The following PRKAG2 variants were observed in gnomAD, a reference collection of about 807,000 sequenced individuals.
PRKAG2 encodes 5'-AMP-activated protein kinase subunit gamma-2.
In PRKAG2, 26 loss-of-function variants were observed where a neutral mutation model predicts 69.6. The ratio of observed to expected loss-of-function variants is 0.37; its 90% CI spans 0.27 to 0.52. PRKAG2 has a LOEUF of 0.52. PRKAG2 is among the 20% of genes least tolerant of loss of function. The probability of loss-of-function intolerance (pLI) is 0.90; values close to 1 mark genes in which losing one functional copy is unlikely to be tolerated. For synonymous variants in PRKAG2, 293 were observed against 285.0 expected, an observed-to-expected ratio of 1.03 and a Z score of -0.28; for missense variants, 557 against 740.0, an observed-to-expected ratio of 0.75 and a Z score of 2.87.
At chr7:151,794,366 G>A (rs1174219781) in intron 1 of PRKAG2, among the ~76,000 whole-genome samples, 4 of 152,262 alleles carry the variant, frequency 2.6e-5, no homozygotes, top group African/African-American at 9.6e-5. Flanking sequence ...CGTCTTATGT[G>A]GAGCACGCCC....
At chr7:151,751,408 C>T (rs1321546612) in intron 3 of PRKAG2, among the ~76,000 whole-genome samples, 5 of 151,992 alleles carry the variant, frequency 3.3e-5, no homozygotes, top group African/African-American at 7.2e-5. Context: ...TAAGCCACCA[C>T]GCCCGGCCCA....
chr7:151,669,228 C>T (rs947741054), intron 4 of PRKAG2, among the ~76,000 whole-genome samples: 4 of 152,162 alleles, frequency 2.6e-5, no homozygotes, highest in Admixed American at 2.6e-4. Flanking sequence ...CAGCCCCTGT[C>T]CTCTCTCTCA....
intron 3 of PRKAG2, among the ~76,000 whole-genome samples, chr7:151,718,133 G>A (rs536862185): frequency 6.6e-6 from 1 of 152,306 alleles, no homozygotes; most frequent in East Asian, 1.9e-4. Flanking sequence ...AGAGCACATA[G>A]ATGGGGTGGC....
rs542677372 is a variant in PRKAG2, at chr7:151,636,980, C to T, written c.685-4842G>A. On this transcript the variant is annotated intron_variant, in intron 4 of 15. Transcript: ENST00000287878. ...TCAGCCTCCCAAAGTGCTGGGATTA[C>T]AGGCATGAGCCACCACACCTGGCCT... Among the ~76,000 whole-genome samples, 107 of 152,332 alleles carry T rather than the reference C, an allele frequency of 7.0e-4. 1 individual carries two copies. The Middle Eastern group carries it at 0.031, about 44-fold the overall frequency.
chr7:151,568,882 G>C, intron 10 of PRKAG2, 40 bp from the exon 11 acceptor site: 11 of 1,610,804 alleles, frequency 6.8e-6, no homozygotes, highest in Non-Finnish European at 8.5e-6. Flanking sequence ...AGGCTTTCGA[G>C]AAAAATCAGA....
intron 3 of PRKAG2, among the ~76,000 whole-genome samples, chr7:151,680,417 C>T (rs774662628): frequency 3.2e-4 from 48 of 152,120 alleles, no homozygotes; most frequent in Non-Finnish European, 2.8e-4. Flanking sequence ...CAAGATGGAG[C>T]GGTAAGTGAA....
At chr7:151,562,933 C>T (rs932604478) in intron 14 of PRKAG2, among the ~76,000 whole-genome samples, 13 of 140,648 alleles carry the variant, frequency 9.2e-5, no homozygotes, top group African/African-American at 2.7e-4. Context: ...CCAGCCTCGG[C>T]GACAGAGCAA....
At chr7:151,786,375 G>T in intron 2 of PRKAG2, 95 bp downstream of exon 2, 1 of 1,233,262 alleles carries the variant, frequency 8.1e-7, no homozygotes, top group Non-Finnish European at 1.2e-6. Context: ...GGGTGGGCGT[G>T]AGGGTGAACA....
chr7:151,873,377 C>A (rs1420162038), intron 1 of PRKAG2, among the ~76,000 whole-genome samples: 1 of 152,246 alleles, frequency 6.6e-6, no homozygotes, highest in Admixed American at 6.5e-5. Context: ...GTGGTCTGCA[C>A]TGGCCATCGT....
chr7:151,717,788 T>A (rs1796401876), intron 3 of PRKAG2, among the ~76,000 whole-genome samples: 1 of 152,172 alleles, frequency 6.6e-6, no homozygotes, highest in African/African-American at 2.4e-5. Context: ...CTGAAAATAG[T>A]GGGGTTTTTC....
Position 151,807,325 on chromosome 7 carries a change from T to G in PRKAG2, c.115-20784A>C, listed in dbSNP as rs2078163612. ...AAGCAATCTACAGAACGTGGGAAAATGCCTATATTAAGAATCCTGGAATAC... is the reference window on the plus strand; with the variant it reads ...AAGCAATCTACAGAACGTGGGAAAAGGCCTATATTAAGAATCCTGGAATAC... On this transcript the variant is annotated intron_variant, in intron 1 of 15. Transcript: ENST00000287878. This position sits in a 1 kb window ranked among gnomAD's most constrained non-coding sequence, Gnocchi z 4.4. The G allele has an allele frequency of 2.3e-6, 1 of 432,874 alleles. No individual in the cohort carries two copies. The allele number at this position is 432,874 out of a possible 1,614,324, so 26.8% of individuals were successfully genotyped here.
chr7:151,819,078 G>A (rs114008100), intron 1 of PRKAG2, among the ~76,000 whole-genome samples: 1 of 152,210 alleles, frequency 6.6e-6, no homozygotes, highest in African/African-American at 2.4e-5. Context: ...TGAGTCAGGA[G>A]GATGGCACAG....
chr7:151,649,996 C>G (rs1230079116), intron 4 of PRKAG2, among the ~76,000 whole-genome samples: 1 of 152,144 alleles, frequency 6.6e-6, no homozygotes, highest in Non-Finnish European at 1.5e-5. Context: ...GACACACACC[C>G]CTGTATGTGT....
intron 3 of PRKAG2, among the ~76,000 whole-genome samples, chr7:151,720,244 C>G (rs796494931): frequency 1.2e-4 from 19 of 152,278 alleles, no homozygotes; most frequent in African/African-American, 4.3e-4. Context: ...CAGATGGACA[C>G]AGAGAGAAAG....
At chr7:151,805,302 C>A (rs1019815069) in intron 1 of PRKAG2, among the ~76,000 whole-genome samples, 3 of 152,126 alleles carry the variant, frequency 2.0e-5, no homozygotes, top group Admixed American at 2.0e-4. Context: ...GGAGAGGCTG[C>A]ACGGATGGAG....
intron 5 of PRKAG2, among the ~76,000 whole-genome samples, chr7:151,608,436 C>G (rs1225956533): frequency 6.6e-6 from 1 of 152,194 alleles, no homozygotes; most frequent in Non-Finnish European, 1.5e-5. Context: ...TCACACACAC[C>G]TTGTACTGAA....
At chr7:151,741,179 C>T (rs1373533399) in intron 3 of PRKAG2, among the ~76,000 whole-genome samples, 1 of 151,736 alleles carries the variant, frequency 6.6e-6, no homozygotes, top group Non-Finnish European at 1.5e-5. Context: ...TGCCACTGCA[C>T]ATCAGCCTGG....
At chr7:151,678,819 C>T (rs1484422117) in intron 3 of PRKAG2, among the ~76,000 whole-genome samples, 3 of 151,958 alleles carry the variant, frequency 2.0e-5, no homozygotes, top group Non-Finnish European at 2.9e-5. Context: ...ATTAGCTAGG[C>T]GTAGTGGCGC....
Position 151,570,181 on chromosome 7 carries a change from G to A in PRKAG2, c.1096C>T (p.Pro366Ser). 6.2e-7 allele frequency: 1 copy of A among 1,600,236 alleles called. No individual in the cohort carries two copies. The highest frequency in any genetic ancestry group is 8.5e-7 in the Non-Finnish European group (1 of 1,171,808). The change falls in exon 10 of 16, where the codon CCA becomes TCA. Residue 366 changes from proline to serine, a missense_variant. Around this residue, in one of 2 missense-constraint regions of PRKAG2, gnomAD observed 205 missense variants for 383.4 expected, o/e 0.53. Transcript: ENST00000287878. ...AAAAAACAAGTTTACCTTGCATCTG[G>A]AGATATATTCACTAAAGGCTTAAAT... Reference protein sequence around the residue: ...ETFKPLVNISPDASLFDAVYS... With the variant: ...ETFKPLVNISSDASLFDAVYS...
Sources: allele counts gnomAD v4.1 joint callset (sites outside exome capture counted in the v4.1 genomes callset), GRCh38; gene constraint gnomAD v4.1.1; regional missense constraint gnomAD v4.1.1; non-coding constraint Gnocchi (gnomAD v3.1); transcripts MANE v1.5; gene names NCBI Gene and HGNC (gene_info 2026-07-23, HGNC 2026-07-21).